The following CDH6 variants were observed in gnomAD, a reference collection of about 807,000 sequenced individuals.
CDH6 encodes the protein cadherin 6.
CDH6 carries 31 observed loss-of-function variants against 78.0 expected under a neutral mutation model. The ratio of observed to expected loss-of-function variants is 0.40; its 90% CI spans 0.30 to 0.54. The LOEUF (loss-of-function observed/expected upper bound fraction) is 0.54. CDH6 is among the 20% of genes least tolerant of loss of function. The pLI, the probability that CDH6 is intolerant of heterozygous loss-of-function variation, is 0.56. For synonymous variants in CDH6, 376 were observed against 368.8 expected (o/e 1.02, Z -0.23); for missense variants, 724 against 975.9 (o/e 0.74, Z 3.44).
chr5:31,227,280 C>T (rs1430633954), intron 1 of CDH6, among the ~76,000 whole-genome samples: 3 of 152,184 alleles, frequency 2.0e-5, no homozygotes, highest in Non-Finnish European at 4.4e-5. Context: ...CTCACCCTCT[C>T]CTCCACTCCA....
chr5:31,210,700 A>T (rs1740680146), intron 1 of CDH6, among the ~76,000 whole-genome samples: 1 of 152,220 alleles, frequency 6.6e-6, no homozygotes, highest in South Asian at 2.1e-4. Context: ...ACATCCTCCC[A>T]TATACTTTAA....
At chr5:31,305,972 A>G (rs569954714) in intron 7 of CDH6, among the ~76,000 whole-genome samples, 28 of 152,382 alleles carry the variant, frequency 1.8e-4, no homozygotes, top group Non-Finnish European at 3.7e-4. Context: ...AAAACAAGCT[A>G]TAAGGAGTTT....
chr5:31,231,051 A>T (rs1468193418), intron 1 of CDH6, among the ~76,000 whole-genome samples: 3 of 152,196 alleles, frequency 2.0e-5, no homozygotes, highest in Non-Finnish European at 4.4e-5. Flanking sequence ...ATTTGTTGAA[A>T]GTATATTCAA....
chr5:31,245,619 C>T (rs1032523160), intron 1 of CDH6, among the ~76,000 whole-genome samples: 1 of 152,148 alleles, frequency 6.6e-6, no homozygotes, highest in Non-Finnish European at 1.5e-5. Flanking sequence ...TTTAACTCAT[C>T]GGAATGGCAG....
intron 7 of CDH6, among the ~76,000 whole-genome samples, chr5:31,312,024 T>C (rs1738171990): frequency 6.6e-6 from 1 of 152,238 alleles, no homozygotes; most frequent in South Asian, 2.1e-4. Flanking sequence ...CTCAAATTTA[T>C]TCAAACTCTC....
At chr5:31,256,672 C>G (rs190297500) in intron 1 of CDH6, among the ~76,000 whole-genome samples, 75 of 152,258 alleles carry the variant, frequency 4.9e-4, no homozygotes, top group Non-Finnish European at 9.4e-4. Context: ...AAGGAAGATG[C>G]TATTTATCAG....
At chr5:31,241,733 A>C (rs1411139004) in intron 1 of CDH6, among the ~76,000 whole-genome samples, 1 of 152,230 alleles carries the variant, frequency 6.6e-6, no homozygotes, top group African/African-American at 2.4e-5. Flanking sequence ...TTTTTATAGG[A>C]TAGGCCTGGA....
At chr5:31,260,672 T>C (rs1188637815) in intron 1 of CDH6, among the ~76,000 whole-genome samples, 1 of 152,230 alleles carries the variant, frequency 6.6e-6, no homozygotes, top group East Asian at 1.9e-4. Flanking sequence ...TATCCACAAA[T>C]ATAAACATTT....
chr5:31,225,700 C>T (rs1741133505), intron 1 of CDH6, among the ~76,000 whole-genome samples: 1 of 152,130 alleles, frequency 6.6e-6, no homozygotes. Context: ...ATGATCCAGT[C>T]ACCTCCCATC....
In CDH6 at chr5:31,317,670, C is replaced by T; in HGVS notation, c.1631-3C>T. 6.2e-7 allele frequency: 1 copy of T among 1,606,268 alleles called. No individual in the cohort carries two copies. The highest frequency in any genetic ancestry group is 8.5e-7 in the Non-Finnish European group (1 of 1,174,002). ...CATTCACCACTTTGCTTTCCGGTTC[C>T]AGACAACACGGCGGGAATCTTAACT... On this transcript the variant is annotated splice_region_variant and splice_polypyrimidine_tract_variant and intron_variant, in intron 10 of 11. Transcript: ENST00000265071.
intron 1 of CDH6, among the ~76,000 whole-genome samples, chr5:31,266,005 T>C (rs1223957417): frequency 6.6e-6 from 1 of 151,946 alleles, no homozygotes; most frequent in African/African-American, 2.4e-5. Context: ...CTCGATCTCC[T>C]GACCTCATGA....
chr5:31,233,870 T>G (rs1741383610), intron 1 of CDH6, among the ~76,000 whole-genome samples: 1 of 152,192 alleles, frequency 6.6e-6, no homozygotes, highest in African/African-American at 2.4e-5. Flanking sequence ...AAAAATATAT[T>G]ACCTGACTAT....
rs572904996 is a variant in CDH6, at chr5:31,258,184, A to C, written c.-128-9162A>C. Among the ~76,000 whole-genome samples, 77 of 152,358 alleles carry C rather than the reference A, an allele frequency of 5.1e-4. 1 individual carries two copies. The highest frequency in any genetic ancestry group is 1.7e-3 in the African/African-American group (69 of 41,586). ...ATTATTCTACTATAAAGACACATGC[A>C]CACATATGTTTACTGCGGCACTGTT... On this transcript the variant is annotated intron_variant, in intron 1 of 11. Transcript: ENST00000265071.
chr5:31,311,758 C>T (rs1738163294), intron 7 of CDH6, among the ~76,000 whole-genome samples: 1 of 152,180 alleles, frequency 6.6e-6, no homozygotes, highest in Non-Finnish European at 1.5e-5. Flanking sequence ...TGAGAATTCA[C>T]TCACTATCAC....
chr5:31,282,633 C>CT (rs1327182865), intron 2 of CDH6, among the ~76,000 whole-genome samples: 1 of 152,164 alleles, frequency 6.6e-6, no homozygotes, highest in Non-Finnish European at 1.5e-5. Context: ...ACATGGACAT[C>CT]TTTGGGGGAG....
At chr5:31,199,717 C>CTATATATATATATATATA in intron 1 of CDH6, among the ~76,000 whole-genome samples, 1 of 114,742 alleles carries the variant, frequency 8.7e-6, no homozygotes, top group South Asian at 3.0e-4. Context: ...ATATATATAT[C>CTATATATATATATATATA]TCAAAGATAA....
chr5:31,290,759 T>A (rs1300802396), intron 2 of CDH6, among the ~76,000 whole-genome samples: 1 of 152,060 alleles, frequency 6.6e-6, no homozygotes, highest in East Asian at 1.9e-4. Flanking sequence ...TTCTGCTCCG[T>A]GTACTCGGTC....
intron 2 of CDH6, among the ~76,000 whole-genome samples, chr5:31,269,600 GT>G (rs1742464298): frequency 8.5e-6 from 1 of 118,086 alleles, no homozygotes; most frequent in South Asian, 2.5e-4. Context: ...ACTATTATTG[GT>G]AAAAAATCCG....
rs1738634536 is a variant in CDH6 at position 31,326,732 on chromosome 5, C to T, written c.*3424C>T. The T allele has an allele frequency of 6.8e-6, 1 of 146,544 alleles. No homozygotes were observed. Among genetic ancestry groups the T allele is most frequent in the Non-Finnish European group, 1.4e-5 (1 of 71,554 alleles). The allele number at this position is 146,544 out of a possible 1,614,324, so 9.1% of individuals were successfully genotyped here. On this transcript the variant is annotated 3_prime_UTR_variant, in exon 12 of 12. Transcript: ENST00000265071. ...TTTGAGACAGAATCTCGCTCTGTCG[C>T]CCAGGCTGGAATGCAGTGGCGCGAT...
Sources: allele counts gnomAD v4.1 joint callset (sites outside exome capture counted in the v4.1 genomes callset), GRCh38; gene constraint gnomAD v4.1.1; transcripts MANE v1.5; gene names NCBI Gene and HGNC (gene_info 2026-07-23, HGNC 2026-07-21).